The following SPON1 variants were observed in gnomAD, a reference collection of about 807,000 sequenced individuals.
The protein encoded by SPON1 is spondin-1.
In SPON1, 52 loss-of-function variants were observed where a neutral mutation model predicts 111.7. That is an observed-to-expected ratio of 0.47 (90% CI 0.37 to 0.59). The LOEUF is 0.59. SPON1 is among the 20% of genes least tolerant of loss of function. The pLI, the probability that SPON1 is intolerant of heterozygous loss-of-function variation, is 0.00. For synonymous variants in SPON1, 410 were observed against 395.8 expected (o/e 1.04, Z -0.43); for missense variants, 957 against 1,068.5 (o/e 0.90, Z 1.46).
intron 6 of SPON1, among the ~76,000 whole-genome samples, chr11:14,138,085 C>T (rs781890183): frequency 8.5e-5 from 13 of 152,182 alleles, no homozygotes; most frequent in Non-Finnish European, 1.6e-4. Context: ...TGCAAACTAA[C>T]ACAGTGTTCT....
At chr11:14,014,252 A>G (rs1490457802) in intron 2 of SPON1, among the ~76,000 whole-genome samples, 1 of 152,174 alleles carries the variant, frequency 6.6e-6, no homozygotes, top group Non-Finnish European at 1.5e-5. Context: ...GGTAGCAGGC[A>G]TGGAAGGCCA....
chr11:13,973,134 A>G (rs1848076273), intron 1 of SPON1, among the ~76,000 whole-genome samples: 2 of 152,218 alleles, frequency 1.3e-5, no homozygotes, highest in Admixed American at 1.3e-4. Flanking sequence ...AAATCCTCTT[A>G]GCTCATCCTG....
chr11:14,048,164 A>C (rs1329512635), intron 3 of SPON1, among the ~76,000 whole-genome samples: 1 of 152,156 alleles, frequency 6.6e-6, no homozygotes, highest in Non-Finnish European at 1.5e-5. Context: ...GCTTGAACCC[A>C]GGAGGTGGAG....
At position 14,267,672 on chromosome 11, in the gene SPON1, T is replaced by C. The variant is rs193278455; in HGVS notation, c.*1985T>C. ...CTAAGAATGGGTAACATGACTCTTG[T>C]TGGATTGTTATTTTTTGTTTGCAAT... On this transcript the variant is annotated 3_prime_UTR_variant, in exon 16 of 16. Transcript: ENST00000576479. The C allele has an allele frequency of 1.3e-5, 2 of 152,248 alleles. No homozygotes were observed. The highest frequency in any genetic ancestry group is 2.9e-5 in the Non-Finnish European group (2 of 68,036). 9.4% of individuals were successfully genotyped at this position (152,248 alleles called of 1,614,324 possible).
chr11:13,965,701 A>C (rs782015953), intron 1 of SPON1, among the ~76,000 whole-genome samples: 2 of 152,226 alleles, frequency 1.3e-5, no homozygotes, highest in Non-Finnish European at 2.9e-5. Context: ...AATATCCTGC[A>C]ATTAGCAAAC....
intron 1 of SPON1, among the ~76,000 whole-genome samples, chr11:13,970,011 G>C (rs782010855): frequency 2.0e-5 from 3 of 152,198 alleles, no homozygotes; most frequent in Non-Finnish European, 2.9e-5. Context: ...AGTAGCAAGT[G>C]GCCCAAATCA....
intron 2 of SPON1, among the ~76,000 whole-genome samples, chr11:14,026,793 A>G (rs2133806433): frequency 6.6e-6 from 1 of 152,240 alleles, no homozygotes; most frequent in South Asian, 2.1e-4. Flanking sequence ...TGCATTGTAA[A>G]ATGTTTTAAA....
chr11:14,125,874 A>G (rs1018435310), intron 5 of SPON1, among the ~76,000 whole-genome samples: 1 of 152,204 alleles, frequency 6.6e-6, no homozygotes, highest in Non-Finnish European at 1.5e-5. Flanking sequence ...AGGGGAACCA[A>G]TGGTATAGTT....
At chr11:13,995,714 A>G (rs945146709) in intron 2 of SPON1, among the ~76,000 whole-genome samples, 1 of 152,212 alleles carries the variant, frequency 6.6e-6, no homozygotes, top group African/African-American at 2.4e-5. Context: ...TTCCCAGTTC[A>G]GTATTTTATG....
chr11:14,229,809 A>G (rs1226014673), intron 6 of SPON1, among the ~76,000 whole-genome samples: 2 of 152,188 alleles, frequency 1.3e-5, no homozygotes, highest in African/African-American at 4.8e-5. Context: ...CTATTCCACC[A>G]TACCGCTCTT....
chr11:14,264,306 T>C (rs1227223017), intron 15 of SPON1, among the ~76,000 whole-genome samples: 1 of 152,154 alleles, frequency 6.6e-6, no homozygotes, highest in East Asian at 1.9e-4. Context: ...GTTGACTGAT[T>C]TGGGGATGGC....
intron 2 of SPON1, among the ~76,000 whole-genome samples, chr11:14,033,037 C>G (rs1234030898): frequency 6.6e-6 from 1 of 152,178 alleles, no homozygotes; most frequent in Non-Finnish European, 1.5e-5. Context: ...GAGTTGTTTC[C>G]TTAATCACAT....
At chr11:14,211,444 AG>A (rs1257719777) in intron 6 of SPON1, among the ~76,000 whole-genome samples, 3 of 152,218 alleles carry the variant, frequency 2.0e-5, no homozygotes, top group Non-Finnish European at 4.4e-5. Flanking sequence ...GACCTCTTCA[AG>A]GAGAACTACA....
rs1282276545 is a variant in SPON1 at position 13,982,698 on chromosome 11, C to T, written c.239-149C>T. 1.3e-5 allele frequency: 8 copies of T among 619,912 alleles called. No individual in the cohort carries two copies. In the African/African-American group the frequency reaches 1.5e-4, roughly 11 times the overall value. The allele number at this position is 619,912 out of a possible 1,614,324, so 38.4% of individuals were successfully genotyped here. A position where few individuals can be genotyped will look rare whatever the true frequency, so the allele number is the denominator to read the frequency against. ...GCTGGGTGAAGAGGGTAAGAGTTCT[C>T]ACCTCAATGGATGAAGGCCTCAACA... On this transcript the variant is annotated intron_variant, in intron 1 of 15. Transcript: ENST00000576479.
intron 6 of SPON1, among the ~76,000 whole-genome samples, chr11:14,236,631 GAC>G (rs1554939247): frequency 1.3e-5 from 2 of 152,212 alleles, no homozygotes; most frequent in African/African-American, 4.8e-5. Context: ...TAAAAGAGAA[GAC>G]CAAAGGCTTG....
chr11:14,202,969 A>G (rs1554935810), intron 6 of SPON1, among the ~76,000 whole-genome samples: 1 of 152,194 alleles, frequency 6.6e-6, no homozygotes, highest in East Asian at 1.9e-4. Context: ...ATCAACCTCA[A>G]TCTACCATTC....
intron 6 of SPON1, among the ~76,000 whole-genome samples, chr11:14,203,657 G>T (rs1189697072): frequency 6.6e-6 from 1 of 152,174 alleles, no homozygotes; most frequent in Non-Finnish European, 1.5e-5. Context: ...CACATGCCCA[G>T]GTAATTTGAG....
intron 5 of SPON1, among the ~76,000 whole-genome samples, chr11:14,091,227 C>G (rs1307786694): frequency 6.6e-6 from 1 of 152,240 alleles, no homozygotes; most frequent in Non-Finnish European, 1.5e-5. Context: ...TAAAGACTCT[C>G]CACGTCCCCA....
At chr11:14,260,844 G>C in intron 14 of SPON1, 92 bp downstream of exon 14, 1 of 1,374,100 alleles carries the variant, frequency 7.3e-7, no homozygotes, top group Non-Finnish European at 9.9e-7. Context: ...CTAGATCCTA[G>C]AATAACATGG....
Sources: allele counts gnomAD v4.1 joint callset (sites outside exome capture counted in the v4.1 genomes callset), GRCh38; gene constraint gnomAD v4.1.1; transcripts MANE v1.5; gene names NCBI Gene and HGNC (gene_info 2026-07-23, HGNC 2026-07-21).